The following STK36 variants were observed in gnomAD, a reference collection of about 807,000 sequenced individuals.
STK36 encodes the protein serine/threonine kinase 36, also known as serine/threonine-protein kinase 36.
A neutral mutation model predicts 142.2 loss-of-function variants in STK36; 116 were observed. That is an observed-to-expected ratio of 0.82 (90% confidence interval 0.70 to 0.95). The LOEUF (loss-of-function observed/expected upper bound fraction) is 0.95, where lower values mean the gene tolerates loss of function less well. Ranked by LOEUF, STK36 falls within the 40% of genes least tolerant of loss-of-function variation. STK36 has a pLI of 0.00. For missense variants in STK36, 1,422 were observed against 1,617.2 expected (o/e 0.88, Z 2.07); for synonymous variants, 619 against 641.7 (o/e 0.96, Z 0.53).
chr2:218,681,144 T>TC (rs890448796), intron 10 of STK36, among the ~76,000 whole-genome samples: 2 of 151,972 alleles, frequency 1.3e-5, no homozygotes, highest in African/African-American at 4.8e-5. Flanking sequence ...TTTTTTTTTT[T>TC]CGAGACAGAG....
Position 218,673,824 on chromosome 2 carries a change from C to T in STK36, c.226-55C>T, listed in dbSNP as rs1940102756. On this transcript the variant is annotated intron_variant, in intron 3 of 26. Coordinates refer to ENST00000295709, the MANE Select transcript of STK36 (RefSeq NM_015690.5). Reference sequence around the variant, plus strand: ...AAGCACAAGGGTTCCAGGAATTTCCCAACCTCAGAATGCATGAATCTGGAG... The same window carrying T: ...AAGCACAAGGGTTCCAGGAATTTCCTAACCTCAGAATGCATGAATCTGGAG... 19 of 1,613,834 alleles carry T rather than the reference C, an allele frequency of 1.2e-5. No homozygotes were observed. The South Asian group carries it at 2.1e-4, about 18-fold the overall frequency.
chr2:218,693,254 G>A lies in STK36; in HGVS notation c.2058G>A (p.Leu686=). The A allele has an allele frequency of 3.7e-6, 6 of 1,614,164 alleles. No individual in the cohort carries two copies. Among genetic ancestry groups the A allele is most frequent in the Non-Finnish European group, 5.1e-6 (6 of 1,180,022 alleles). ...TGTCTCTATAGGTCTGTTGGCATTT[G>A]GCAAATCAGCTAACTGAAGACAGCA... ...WDAKEQVCWH[L]ANQLTEDSSQ... The change falls in exon 17 of 27, where the codon TTG becomes TTA. Residue 686 remains leucine (L), a synonymous_variant. Transcript: ENST00000295709.
rs1243212570 is a variant in STK36, at chr2:218,688,797, C to T, written c.1481C>T (p.Ser494Phe). 1.2e-6 allele frequency: 2 copies of T among 1,614,058 alleles called. No homozygotes were observed. Among genetic ancestry groups the T allele is most frequent in the Non-Finnish European group, 1.7e-6 (2 of 1,180,016 alleles). ...SSCSDSVALY[S>F]FCREAGLPGL... ...TGCAGTGATTCTGTTGCCTTGTATT[C>T]CTTCTGCCGGGAGGCAGGGCTTCCT... Residue 494 changes from serine to phenylalanine, a missense_variant, in exon 12 of 27, where the codon TCC (serine) becomes TTC (phenylalanine). Physicochemically the swap from Ser to Phe is radical, Grantham distance 155. Coordinates refer to ENST00000295709, the MANE Select transcript of STK36 (RefSeq NM_015690.5).
At chr2:218,673,417 A>C (rs1052405364) in intron 2 of STK36, among the ~76,000 whole-genome samples, 1 of 151,896 alleles carries the variant, frequency 6.6e-6, no homozygotes, top group Admixed American at 6.6e-5. Context: ...TGTTTTGCAG[A>C]TGCTGTTTCC....
At chr2:218,678,115 AT>A (rs934465912) in intron 6 of STK36, among the ~76,000 whole-genome samples, 4 of 151,880 alleles carry the variant, frequency 2.6e-5, no homozygotes, top group African/African-American at 9.7e-5. Flanking sequence ...AATTAATTAA[AT>A]TTTTTTTAAA....
chr2:218,672,628 A>C (rs1029747093), intron 1 of STK36, 113 bp from the exon 2 acceptor site: 1 of 548,788 alleles, frequency 1.8e-6, no homozygotes, highest in African/African-American at 1.9e-5. Context: ...GTTTGTTCCA[A>C]GAGCGCATCA....
intron 10 of STK36, among the ~76,000 whole-genome samples, chr2:218,682,489 A>G (rs975889967): frequency 1.3e-5 from 2 of 152,224 alleles, no homozygotes; most frequent in Admixed American, 1.3e-4. Flanking sequence ...TAATTAAACT[A>G]ATCTGTAATC....
chr2:218,698,699 T>C lies in STK36; in HGVS notation c.3155T>C (p.Val1052Ala), dbSNP rs1233825562. The change falls in exon 26 of 27, where the codon GTG (valine) becomes GCG (alanine). Residue 1052 changes from valine (V) to alanine (A), a missense_variant. Transcript: ENST00000295709. ...GATCCCACCTCTCTCAACCAGTTTG[T>C]GAACACAGTGTCTGCCTCCCCTAGA... ...LMDPTSLNQF[V>A]NTVSASPRTI... The C allele has an allele frequency of 6.2e-7, 1 of 1,614,174 alleles. No homozygotes were observed. Among genetic ancestry groups the C allele is most frequent in the East Asian group, 2.2e-5 (1 of 44,886 alleles).
intron 10 of STK36, among the ~76,000 whole-genome samples, chr2:218,681,990 C>T (rs1424317056): frequency 2.6e-5 from 4 of 152,150 alleles, no homozygotes; most frequent in South Asian, 4.1e-4. Flanking sequence ...TGCAACGGCA[C>T]GATCTTGGCT....
intron 14 of STK36, among the ~76,000 whole-genome samples, chr2:218,691,481 G>A (rs1185795123): frequency 6.6e-6 from 1 of 152,074 alleles, no homozygotes; most frequent in East Asian, 1.9e-4. Flanking sequence ...GGGGAGTTTG[G>A]AATAATTACC....
At chr2:218,691,340 G>A (rs1940989236) in intron 14 of STK36, among the ~76,000 whole-genome samples, 1 of 152,092 alleles carries the variant, frequency 6.6e-6, no homozygotes, top group African/African-American at 2.4e-5. Flanking sequence ...AGACTTTCCT[G>A]GTCTGAGATC....
intron 2 of STK36, chr2:218,673,322 C>T: frequency 2.4e-6 from 1 of 421,950 alleles, no homozygotes; most frequent in Non-Finnish European, 4.2e-6. Flanking sequence ...CTATTATTTC[C>T]TCTTCATTTT....
chr2:218,701,769 G>A, intron 26 of STK36, 97 bp from the exon 27 acceptor site: 1 of 1,442,576 alleles, frequency 6.9e-7, no homozygotes. Context: ...TTCTCGAGTG[G>A]GAATTCCTGG....
At chr2:218,672,521 C>G (rs895258271) in intron 1 of STK36, 13 of 365,070 alleles carry the variant, frequency 3.6e-5, no homozygotes, top group Non-Finnish European at 6.7e-5. Context: ...GTGAGCCAGG[C>G]TGGGTGAGGG....
intron 14 of STK36, among the ~76,000 whole-genome samples, chr2:218,691,769 G>C (rs1941009190): frequency 6.6e-6 from 1 of 152,114 alleles, no homozygotes; most frequent in African/African-American, 2.4e-5. Context: ...TGTTGCCCAG[G>C]TTGGTCTCAA....
At chr2:218,677,362 C>A (rs1940303768) in intron 6 of STK36, among the ~76,000 whole-genome samples, 1 of 152,206 alleles carries the variant, frequency 6.6e-6, no homozygotes, top group Non-Finnish European at 1.5e-5. Context: ...TTGGGTATTA[C>A]AATTCGACAT....
chr2:218,689,865 T>C lies in STK36; in HGVS notation c.1567T>C (p.Trp523Arg), dbSNP rs1471042774. 1.2e-6 allele frequency: 2 copies of C among 1,609,608 alleles called. No homozygotes were observed. Among genetic ancestry groups the C allele is most frequent in the African/African-American group, 2.7e-5 (2 of 74,888 alleles). Residue 523 changes from tryptophan to arginine, a missense_variant, in exon 13 of 27, where the codon TGG (tryptophan) becomes CGG (arginine). By Grantham distance (101) the Trp-to-Arg change is moderately radical. Transcript: ENST00000295709. ...TTCTCCTTTTCCTGGGCAGCAATCT[T>C]GGTATGGGACCTTCTTACAGGACCT... ...QESNSLQQQS[W>R]YGTFLQDLMA...
In STK36 at chr2:218,679,617, C is replaced by T; in HGVS notation, c.836C>T (p.Pro279Leu). ...ACCCCATTCACCAGCCGCCTACCCC[C>T]AGAACTTCAGGTCCTAAAGGACGAA... ...LGTPFTSRLP[P>L]ELQVLKDEQA... is the part of the protein sequence containing the mutation. Residue 279 changes from proline (P) to leucine (L), a missense_variant, in exon 8 of 27, where the codon CCA becomes CTA. Pro to Leu is a moderately conservative substitution (Grantham distance 98, BLOSUM62 -3). This residue lies in a region of STK36 where 460 missense variants were observed against 449.6 expected (regional missense o/e 1.02). Coordinates refer to ENST00000295709, the MANE Select transcript of STK36 (RefSeq NM_015690.5). The T allele has an allele frequency of 6.2e-7, 1 of 1,614,192 alleles. No homozygotes were observed. Among genetic ancestry groups the T allele is most frequent in the South Asian group, 1.1e-5 (1 of 91,080 alleles).
At chr2:218,680,978 A>G (rs1940492016) in intron 10 of STK36, among the ~76,000 whole-genome samples, 1 of 152,146 alleles carries the variant, frequency 6.6e-6, no homozygotes, top group African/African-American at 2.4e-5. Context: ...ACTTTCTGTA[A>G]TTTCACACAC....
Sources: allele counts gnomAD v4.1 joint callset (sites outside exome capture counted in the v4.1 genomes callset), GRCh38; gene constraint gnomAD v4.1.1; regional missense constraint gnomAD v4.1.1; transcripts MANE v1.5; gene names NCBI Gene and HGNC (gene_info 2026-07-23, HGNC 2026-07-21).